Variants in ANK2 observed in about 807,000 individuals in gnomAD.
ANK2 encodes ankyrin 2, also known as ankyrin-2.
In ANK2, 83 loss-of-function variants were observed where a neutral mutation model predicts 360.5. That is an observed-to-expected ratio of 0.23 (90% confidence interval 0.19 to 0.28). The LOEUF is 0.28. Ranked by LOEUF, ANK2 falls within the 10% of genes least tolerant of loss-of-function variation. The pLI is 1.00. For missense variants in ANK2, 4,201 were observed against 4,795.7 expected (o/e 0.88, Z 3.66); for synonymous variants, 1,740 against 1,759.5 (o/e 0.99, Z 0.28).
Position 113,363,511 on chromosome 4 carries a change from T to A in ANK2, c.10888+42T>A, listed in dbSNP as rs1467166277. On this transcript the variant is annotated intron_variant, in intron 40 of 45. Transcript: ENST00000357077. Reference sequence around the variant, plus strand: ...ATGCATATTGGGCTAAAGTTGGACATGTCTTGCTCAACAACCGCATCTTGC... The same window carrying A: ...ATGCATATTGGGCTAAAGTTGGACAAGTCTTGCTCAACAACCGCATCTTGC... 3 of 1,611,538 alleles carry A rather than the reference T, an allele frequency of 1.9e-6. No individual in the cohort carries two copies. In the African/African-American group the frequency reaches 4.0e-5, roughly 22 times the overall value.
At chr4:112,926,562 C>T (rs549762072) in intron 2 of ANK2, among the ~76,000 whole-genome samples, 1 of 152,224 alleles carries the variant, frequency 6.6e-6, no homozygotes, top group South Asian at 2.1e-4. Context: ...TCTAACAGAC[C>T]TCCAGGAATT....
rs786205420 is a variant in ANK2, at chr4:113,293,537, C to T, written c.2474C>T (p.Thr825Ile). 8.1e-6 allele frequency: 13 copies of T among 1,610,984 alleles called. No individual in the cohort carries two copies. In the East Asian group the frequency reaches 2.9e-4, roughly 36 times the overall value. Residue 825 changes from threonine to isoleucine, a missense_variant and splice_region_variant, in exon 22 of 46, where the codon ACA (threonine) becomes ATA (isoleucine). Physicochemically the swap from Thr to Ile is moderately conservative, Grantham distance 89 (BLOSUM62 -1). Coordinates refer to ENST00000357077, the MANE Select transcript of ANK2 (RefSeq NM_001148.6). ...ACTGAGGAGGTCACCACCACCACCACAGTGAGTATGAGTGACTGACTAGCT... is the reference window on the plus strand; with the variant it reads ...ACTGAGGAGGTCACCACCACCACCATAGTGAGTATGAGTGACTGACTAGCT... ...VVTEEVTTTT[T>I]TITEKHKLNV...
At chr4:112,879,958 C>T (rs918133617) in intron 1 of ANK2, among the ~76,000 whole-genome samples, 6 of 151,990 alleles carry the variant, frequency 3.9e-5, no homozygotes, top group African/African-American at 1.5e-4. Context: ...ATTATGTACT[C>T]GAAGCAAAAC....
At chr4:113,307,244 C>A (rs2077619354) in intron 23 of ANK2, among the ~76,000 whole-genome samples, 1 of 152,152 alleles carries the variant, frequency 6.6e-6, no homozygotes, top group African/African-American at 2.4e-5. Flanking sequence ...ACACTCACTT[C>A]TGTTGTGAAC....
At chr4:113,048,852 T>A (rs2154321526), upstream of ANK2, among the ~76,000 whole-genome samples, 1 of 151,956 alleles carries the variant, frequency 6.6e-6, no homozygotes. Flanking sequence ...CAAGCCTTGA[T>A]TAACTGCCTT....
At chr4:112,939,515 A>G (rs1386500720) in intron 2 of ANK2, among the ~76,000 whole-genome samples, 1 of 151,280 alleles carries the variant, frequency 6.6e-6, no homozygotes, top group Non-Finnish European at 1.5e-5. Flanking sequence ...GGGTTTCGCC[A>G]TGTTGGCCAG....
chr4:113,083,236 T>G (rs1246115669), intron 1 of ANK2, among the ~76,000 whole-genome samples: 1 of 152,188 alleles, frequency 6.6e-6, no homozygotes, highest in Non-Finnish European at 1.5e-5. Context: ...TGGAGTGCAG[T>G]GATGCAATCA....
chr4:113,354,157 C>A lies in ANK2; in HGVS notation c.5539C>A (p.Pro1847Thr). 6.2e-7 allele frequency: 1 copy of A among 1,614,140 alleles called. No individual in the cohort carries two copies. The highest frequency in any genetic ancestry group is 1.1e-5 in the South Asian group (1 of 91,082). ...AACTGAAAGGCACCCTCCAGTATCA[C>A]CATCAAGTAAAACTGAGAAACACTC... ...AKTERHPPVS[P>T]SSKTEKHSPV... Residue 1847 changes from proline to threonine, a missense_variant, in exon 38 of 46, where the codon CCA becomes ACA. Pro to Thr is a conservative substitution (Grantham distance 38, BLOSUM62 -1). Transcript: ENST00000357077.
chr4:112,892,030 G>C (rs1014338637), intron 1 of ANK2, among the ~76,000 whole-genome samples: 1 of 152,144 alleles, frequency 6.6e-6, no homozygotes, highest in African/African-American at 2.4e-5. Flanking sequence ...TAAAAGTATA[G>C]TGGTGGGCTA....
Position 113,120,850 on chromosome 4 carries a change from C to T in ANK2, c.85-53566C>T, listed in dbSNP as rs139870866. On this transcript the variant is annotated intron_variant, in intron 1 of 45. Coordinates refer to ENST00000357077, the MANE Select transcript of ANK2 (RefSeq NM_001148.6). ...TTTAGTTCACACTTATAAGTAAGAACATAAAGTATATATTTAAATAATATT... is the reference window on the plus strand; with the variant it reads ...TTTAGTTCACACTTATAAGTAAGAATATAAAGTATATATTTAAATAATATT... 2.9e-4 allele frequency among the ~76,000 whole-genome samples: 44 copies of T among 152,170 alleles called. No homozygotes were observed. In the East Asian group the frequency reaches 4.0e-3, roughly 14 times the overall value.
intron 2 of ANK2, among the ~76,000 whole-genome samples, chr4:112,945,144 G>C (rs116200163): frequency 0.01 from 1,563 of 152,258 alleles, 21 homozygotes; most frequent in African/African-American, 0.034. Context: ...TTGAGGCAGA[G>C]CTTCCACCAT....
intron 23 of ANK2, among the ~76,000 whole-genome samples, chr4:113,308,345 T>C (rs987603645): frequency 2.0e-5 from 3 of 152,184 alleles, no homozygotes; most frequent in African/African-American, 7.2e-5. Flanking sequence ...GCTGTGGACA[T>C]GCTAAATCTG....
At chr4:113,323,714 C>T (rs1348250028) in intron 26 of ANK2, 5 of 1,574,748 alleles carry the variant, frequency 3.2e-6, no homozygotes, top group Non-Finnish European at 4.3e-6. Context: ...TTATATTTCA[C>T]TTTATCCGTT....
Position 112,957,222 on chromosome 4 carries a change from G to C in ANK2, c.21+52708G>C, listed in dbSNP as rs1425956013. 2.0e-5 allele frequency among the ~76,000 whole-genome samples: 3 copies of C among 149,344 alleles called. No homozygotes were observed. In the Admixed American group the frequency reaches 2.0e-4, roughly 10 times the overall value. On this transcript the variant is annotated intron_variant, in intron 2 of 30. Transcript: ENST00000503271. ...TTAGGGAGTGGTGATGACTCTTAAC[G>C]AGCATGCTGCCTTCAAGCATCTGTT...
In ANK2 at chr4:113,275,003, G is replaced by A. The variant is rs372814066; in HGVS notation, c.1683+354G>A. Among the ~76,000 whole-genome samples, 12 of 152,104 alleles carry A rather than the reference G, an allele frequency of 7.9e-5. No individual in the cohort carries two copies. The East Asian group carries it at 9.6e-4, about 12-fold the overall frequency. ...TATATTGAACTGGTAATACTAATGA[G>A]GAAGAGGGTACTGCATTAGATTGGC... On this transcript the variant is annotated intron_variant, in intron 15 of 45. Coordinates refer to ENST00000357077, the MANE Select transcript of ANK2 (RefSeq NM_001148.6).
intron 1 of ANK2, among the ~76,000 whole-genome samples, chr4:112,879,191 A>T (rs142112359): frequency 6.6e-6 from 1 of 152,170 alleles, no homozygotes; most frequent in Non-Finnish European, 1.5e-5. Context: ...CATTATTCTC[A>T]TGTGAGTCCC....
intron 2 of ANK2, among the ~76,000 whole-genome samples, chr4:112,918,689 T>C (rs969870963): frequency 1.1e-4 from 17 of 152,222 alleles, no homozygotes; most frequent in Non-Finnish European, 2.1e-4. Flanking sequence ...GTGTTTTGAA[T>C]GTTATTTGGC....
chr4:113,145,867 A>G (rs1305069559), intron 1 of ANK2: 1 of 1,289,632 alleles, frequency 7.8e-7, no homozygotes, highest in South Asian at 1.2e-5. Flanking sequence ...TGTAGAGCTG[A>G]GATGGGGAAT....
chr4:113,072,742 ATTTTTT>A (rs34098456), intron 1 of ANK2, among the ~76,000 whole-genome samples: 1,088 of 74,236 alleles, frequency 0.015, 25 homozygotes, highest in African/African-American at 0.045. Flanking sequence ...ACTTGGCATA[ATTTTTT>A]TTTTTTTTTT....
Sources: gnomAD v4.1 joint callset for allele counts (sites outside exome capture counted in the v4.1 genomes callset) on GRCh38, gnomAD v4.1.1 for gene constraint, MANE v1.5 for transcripts, NCBI Gene and HGNC (gene_info 2026-07-23, HGNC 2026-07-21) for gene names.